CHD2: variants seen among roughly 807,000 people sequenced by gnomAD.
CHD2 encodes chromodomain helicase DNA binding protein 2, also known as ATP-dependent chromatin remodeler CHD2.
CHD2 carries 28 observed loss-of-function variants against 243.9 expected under a neutral mutation model. That is an observed-to-expected ratio of 0.11 (90% CI 0.09 to 0.16). The LOEUF (loss-of-function observed/expected upper bound fraction) is 0.16. Ranked by LOEUF, CHD2 falls within the 10% of genes least tolerant of loss-of-function variation. The probability of loss-of-function intolerance (pLI) is 1.00; values close to 1 mark genes in which losing one functional copy is unlikely to be tolerated. For synonymous variants in CHD2, 775 were observed against 779.0 expected (o/e 0.99, Z 0.09); for missense variants, 1,386 against 2,209.8 (o/e 0.63, Z 7.47).
intron 2 of CHD2, among the ~76,000 whole-genome samples, chr15:92,907,808 C>G (rs1346699648): frequency 6.6e-6 from 1 of 152,096 alleles, no homozygotes; most frequent in Non-Finnish European, 1.5e-5. Context: ...TTTCATCTTA[C>G]TTTCTTGCAC....
rs2141830606 is a variant in CHD2 at position 92,967,332 on chromosome 15, T to A, written c.2008T>A (p.Phe670Ile). ...ATACTGTTTCTTCCCTAGGTTTGAA[T>A]TTTGGGAAGATTTTGAAGAAGACCA... ...LHFIMPEKFE[F>I]WEDFEEDHGK... The change falls in exon 17 of 39, where the codon TTT (phenylalanine) becomes ATT (isoleucine). Residue 670 changes from phenylalanine (F) to isoleucine (I), a missense_variant. Transcript: ENST00000394196. The A allele has an allele frequency of 1.2e-6, 2 of 1,606,816 alleles. No individual in the cohort carries two copies. Among genetic ancestry groups the A allele is most frequent in the Non-Finnish European group, 1.7e-6 (2 of 1,175,766 alleles).
At chr15:92,945,759 C>A in intron 10 of CHD2, 62 bp from the exon 11 acceptor site, 1 of 1,085,680 alleles carries the variant, frequency 9.2e-7, no homozygotes. Context: ...ATTCATAGAA[C>A]CCAAAATCTT....
chr15:93,012,171 G>A (rs1050165080), intron 35 of CHD2, among the ~76,000 whole-genome samples, 174 bp from the exon 36 acceptor site: 30 of 152,260 alleles, frequency 2.0e-4, no homozygotes, highest in Admixed American at 2.0e-3. Context: ...ACAACATTAA[G>A]TTAGGACTTA....
chr15:93,009,752 G>A (rs1286041923), intron 35 of CHD2, among the ~76,000 whole-genome samples: 1 of 152,182 alleles, frequency 6.6e-6, no homozygotes, highest in East Asian at 1.9e-4. Flanking sequence ...AAAACCGCAA[G>A]AACTATGAGT....
chr15:92,925,561 C>CCAGTTA (rs1465531710), intron 3 of CHD2, among the ~76,000 whole-genome samples: 1 of 152,172 alleles, frequency 6.6e-6, no homozygotes, highest in Non-Finnish European at 1.5e-5. Context: ...ATAAGGGCTC[C>CCAGTTA]ATAAAAACCT....
At chr15:92,903,869 G>A (rs867899924) in intron 2 of CHD2, among the ~76,000 whole-genome samples, 2 of 152,198 alleles carry the variant, frequency 1.3e-5, no homozygotes, top group African/African-American at 4.8e-5. Flanking sequence ...AACCTGAGGT[G>A]CGGGTAAATC....
Position 92,956,538 on chromosome 15 carries a change from A to T in CHD2, c.1889A>T (p.Tyr630Phe). 1 of 1,613,996 alleles carries T rather than the reference A, an allele frequency of 6.2e-7. No individual in the cohort carries two copies. Among genetic ancestry groups the T allele is most frequent in the Non-Finnish European group, 8.5e-7 (1 of 1,179,916 alleles). ...TTGAAGAATGATGACTCTTTATTGT[A>T]TAAAACTCTGATTGATTTCAAGTCC... ...HRLKNDDSLL[Y>F]KTLIDFKSNH... is the part of the protein sequence containing the mutation. The change falls in exon 16 of 39, where the codon TAT becomes TTT. Residue 630 changes from tyrosine to phenylalanine, a missense_variant. Physicochemically the swap from Tyr to Phe is conservative, Grantham distance 22. Around this residue, in one of 19 missense-constraint regions of CHD2, gnomAD observed 118 missense variants for 266.3 expected, o/e 0.44. Transcript: ENST00000394196.
intron 2 of CHD2, chr15:92,914,947 C>A (rs1475798032): frequency 6.6e-5 from 10 of 152,108 alleles, no homozygotes; most frequent in Admixed American, 6.5e-4. Context: ...GAGGGAACTT[C>A]CTTATGCCAG....
intron 12 of CHD2, among the ~76,000 whole-genome samples, chr15:92,948,134 T>C (rs1232569159): frequency 6.6e-6 from 1 of 152,166 alleles, no homozygotes; most frequent in East Asian, 1.9e-4. Context: ...TGCTATCCTT[T>C]AAGCTTCTGG....
intron 2 of CHD2, among the ~76,000 whole-genome samples, chr15:92,910,331 CTAAA>C (rs1367040244): frequency 6.6e-6 from 1 of 152,158 alleles, no homozygotes; most frequent in African/African-American, 2.4e-5. Context: ...AACCAACTCA[CTAAA>C]TGAATGATTA....
chr15:92,919,307 CT>C (rs34171538), intron 2 of CHD2, among the ~76,000 whole-genome samples: 25,825 of 148,988 alleles, frequency 0.17, 2,925 homozygotes, highest in Non-Finnish European at 0.25. Flanking sequence ...TTTGTTAAGG[CT>C]TTTTTTTTTC....
At chr15:92,948,580 TC>T (rs1474798815) in intron 12 of CHD2, among the ~76,000 whole-genome samples, 6 of 152,264 alleles carry the variant, frequency 3.9e-5, no homozygotes, top group African/African-American at 1.4e-4. Flanking sequence ...ACGCCTGTAA[TC>T]CCAGCACTCT....
Position 92,996,987 on chromosome 15 carries a change from C to T in CHD2, c.3626C>T (p.Thr1209Ile), listed in dbSNP as rs780836158. 6.2e-7 allele frequency: 1 copy of T among 1,611,468 alleles called. No homozygotes were observed. Among genetic ancestry groups the T allele is most frequent in the Admixed American group, 1.7e-5 (1 of 59,450 alleles). The change falls in exon 29 of 39, where the codon ACA becomes ATA. Residue 1209 changes from threonine to isoleucine, a missense_variant. Physicochemically the swap from Thr to Ile is moderately conservative, Grantham distance 89. Around this residue, in one of 19 missense-constraint regions of CHD2, gnomAD observed 99 missense variants for 176.9 expected, o/e 0.56. Transcript: ENST00000394196. ...GKGPGKRRGP[T>I]IKISGVQVNV... ...GGACCAGGGAAAAGGAGAGGTCCAA[C>T]AATCAAGATATCCGGAGTTCAGGTT...
intron 38 of CHD2, among the ~76,000 whole-genome samples, chr15:93,024,128 T>C (rs532617837): frequency 2.1e-4 from 32 of 149,802 alleles, no homozygotes; most frequent in African/African-American, 7.6e-4. Context: ...GGGAGTGAGT[T>C]TGCAAAAGCC....
At chr15:92,991,107 G>A (rs1184987833) in intron 26 of CHD2, among the ~76,000 whole-genome samples, 1 of 152,140 alleles carries the variant, frequency 6.6e-6, no homozygotes, top group African/African-American at 2.4e-5. Flanking sequence ...AACGATATAA[G>A]GGTTTGTCAC....
intron 13 of CHD2, 84 bp from the exon 14 acceptor site, chr15:92,953,273 A>G (rs773665148): frequency 1.3e-5 from 14 of 1,043,358 alleles, no homozygotes; most frequent in Non-Finnish European, 1.9e-5. Flanking sequence ...ATTGTGAAGC[A>G]TTGGTGTCGT....
chr15:92,996,226 C>T (rs2141866112), intron 28 of CHD2, among the ~76,000 whole-genome samples: 2 of 138,062 alleles, frequency 1.4e-5, no homozygotes, highest in East Asian at 4.4e-4. Context: ...GTGGTGTGAT[C>T]TCGGCTCACT....
rs202162779 is a variant in CHD2 at position 93,000,686 on chromosome 15, A to G, written c.4137+46A>G. On this transcript the variant is annotated intron_variant, in intron 32 of 38. Transcript: ENST00000394196. ...TGAGGGTTATTTATTTATTTTAGCT[A>G]TACTTATCATGCCAGCTGGAATAAA... 1.4e-4 allele frequency: 213 copies of G among 1,559,068 alleles called. No individual in the cohort carries two copies. The African/African-American group carries it at 2.7e-3, about 20-fold the overall frequency.
intron 34 of CHD2, among the ~76,000 whole-genome samples, chr15:93,008,355 C>G (rs2054348756): frequency 6.6e-6 from 1 of 152,148 alleles, no homozygotes. Flanking sequence ...TTTATATTTG[C>G]TGCTGGTTGG....
Sources: allele counts gnomAD v4.1 joint callset (sites outside exome capture counted in the v4.1 genomes callset), GRCh38; gene constraint gnomAD v4.1.1; regional missense constraint gnomAD v4.1.1; transcripts MANE v1.5; gene names NCBI Gene and HGNC (gene_info 2026-07-23, HGNC 2026-07-21).